The following BMPER variants were observed in gnomAD, a reference collection of about 807,000 sequenced individuals.
The protein encoded by BMPER is BMP-binding endothelial regulator protein.
BMPER carries 45 observed loss-of-function variants against 87.3 expected under a neutral mutation model. The observed-to-expected ratio is 0.52, with a 90% confidence interval of 0.41 to 0.66. The LOEUF is 0.66. BMPER is among the 30% of genes least tolerant of loss of function. The pLI is 0.00. For missense variants in BMPER, 784 were observed against 867.5 expected, an observed-to-expected ratio of 0.90 and a Z score of 1.21; for synonymous variants, 326 against 316.2, an observed-to-expected ratio of 1.03 and a Z score of -0.33.
intron 14 of BMPER, among the ~76,000 whole-genome samples, chr7:34,152,214 G>C (rs2127997117): frequency 6.6e-6 from 1 of 152,308 alleles, no homozygotes; most frequent in East Asian, 1.9e-4. Flanking sequence ...AACTTTAAAT[G>C]AAGATGGAAT....
intron 8 of BMPER, among the ~76,000 whole-genome samples, chr7:34,052,869 T>G (rs1788183229): frequency 6.6e-6 from 1 of 152,208 alleles, no homozygotes; most frequent in Non-Finnish European, 1.5e-5. Context: ...ACACCAAACA[T>G]GGAGTAATTC....
chr7:34,069,174 C>T (rs1050384663), intron 11 of BMPER, among the ~76,000 whole-genome samples: 3 of 152,086 alleles, frequency 2.0e-5, no homozygotes, highest in Non-Finnish European at 2.9e-5. Flanking sequence ...GTATGTGTGA[C>T]GGAAACTCCT....
At chr7:33,994,185 A>T (rs1429973796) in intron 6 of BMPER, among the ~76,000 whole-genome samples, 1 of 152,076 alleles carries the variant, frequency 6.6e-6, no homozygotes, top group African/African-American at 2.4e-5. Flanking sequence ...TTACCTAAGC[A>T]AGCCTGGGCA....
At chr7:33,972,560 C>T (rs1363406453) in intron 5 of BMPER, among the ~76,000 whole-genome samples, 1 of 152,122 alleles carries the variant, frequency 6.6e-6, no homozygotes, top group Non-Finnish European at 1.5e-5. Context: ...AAACTAGGCC[C>T]ACCAAGAGTA....
At chr7:33,935,100 T>G (rs1784571633) in intron 2 of BMPER, among the ~76,000 whole-genome samples, 1 of 152,184 alleles carries the variant, frequency 6.6e-6, no homozygotes, top group South Asian at 2.1e-4. Context: ...CATAACAATG[T>G]ATGACCTTTG....
chr7:34,059,206 C>A (rs2127963942), intron 10 of BMPER, among the ~76,000 whole-genome samples: 2 of 152,268 alleles, frequency 1.3e-5, no homozygotes, highest in East Asian at 3.9e-4. Context: ...ACCCTCGCTG[C>A]TAATGAACTC....
chr7:34,083,813 C>A (rs151161859), intron 12 of BMPER, among the ~76,000 whole-genome samples: 2,397 of 152,214 alleles, frequency 0.016, 121 homozygotes, highest in Admixed American at 0.096. Context: ...CCCTCCCACA[C>A]TCCCTCCCAC....
intron 3 of BMPER, among the ~76,000 whole-genome samples, chr7:33,952,224 C>T (rs762908694): frequency 3.9e-5 from 6 of 152,144 alleles, no homozygotes; most frequent in Non-Finnish European, 7.3e-5. Context: ...TTTAATGTAG[C>T]TTTGGGTTTT....
intron 14 of BMPER, 145 bp from the exon 15 acceptor site, chr7:34,152,947 T>C: frequency 2.1e-6 from 2 of 932,398 alleles, no homozygotes; most frequent in Admixed American, 1.8e-5. Flanking sequence ...TGGGTGTTTG[T>C]CATTCTCTTG....
chr7:33,957,230 C>G (rs1048493015), intron 3 of BMPER, among the ~76,000 whole-genome samples: 4 of 151,658 alleles, frequency 2.6e-5, no homozygotes, highest in Non-Finnish European at 5.9e-5. Flanking sequence ...GTTAAACCAA[C>G]TGTGGTATAT....
At chr7:34,089,775 T>C (rs752368738) in intron 13 of BMPER, among the ~76,000 whole-genome samples, 6 of 152,184 alleles carry the variant, frequency 3.9e-5, no homozygotes, top group South Asian at 4.1e-4. Context: ...TGAGCCACTG[T>C]GCCCACCCTG....
intron 6 of BMPER, among the ~76,000 whole-genome samples, chr7:34,032,269 T>C (rs1170299643): frequency 6.6e-6 from 1 of 151,988 alleles, no homozygotes; most frequent in Non-Finnish European, 1.5e-5. Context: ...CCATATGTAC[T>C]TCCAGCTTTC....
At chr7:34,054,670 C>T (rs546042018) in intron 8 of BMPER, among the ~76,000 whole-genome samples, 2 of 152,338 alleles carry the variant, frequency 1.3e-5, no homozygotes, top group Admixed American at 6.5e-5. Context: ...GAGCACAGAA[C>T]ACACTTGAGG....
chr7:34,122,970 T>C (rs1384390521), intron 13 of BMPER, among the ~76,000 whole-genome samples: 1 of 152,204 alleles, frequency 6.6e-6, no homozygotes, highest in African/African-American at 2.4e-5. Flanking sequence ...TATTTCTTTA[T>C]AGAATATGGC....
At chr7:34,137,497 T>C (rs1268640903) in intron 13 of BMPER, among the ~76,000 whole-genome samples, 1 of 152,228 alleles carries the variant, frequency 6.6e-6, no homozygotes, top group Non-Finnish European at 1.5e-5. Context: ...GGCACTGTGC[T>C]GGGGGGCTAG....
At chr7:34,008,205 AAG>A (rs1217122544) in intron 6 of BMPER, among the ~76,000 whole-genome samples, 3 of 152,104 alleles carry the variant, frequency 2.0e-5, no homozygotes, top group East Asian at 1.9e-4. Context: ...CACTTTTGTG[AAG>A]AGTCTTTTGT....
chr7:34,114,674 T>C (rs1790064328), intron 13 of BMPER, among the ~76,000 whole-genome samples: 1 of 152,220 alleles, frequency 6.6e-6, no homozygotes, highest in South Asian at 2.1e-4. Context: ...GCTACTATTA[T>C]GTAGACATGA....
intron 3 of BMPER, among the ~76,000 whole-genome samples, chr7:33,962,358 G>C (rs1465297302): frequency 6.6e-6 from 1 of 152,158 alleles, no homozygotes; most frequent in Non-Finnish European, 1.5e-5. Context: ...GAAAAGTGTA[G>C]CTGGTTTAGG....
chr7:33,936,332 G>T (rs1416752201), intron 2 of BMPER, among the ~76,000 whole-genome samples: 1 of 152,186 alleles, frequency 6.6e-6, no homozygotes, highest in Non-Finnish European at 1.5e-5. Flanking sequence ...AAGGGCATAG[G>T]TGTGCACACA....
Sources: gnomAD v4.1 joint callset for allele counts (sites outside exome capture counted in the v4.1 genomes callset) on GRCh38, gnomAD v4.1.1 for gene constraint, MANE v1.5 for transcripts, NCBI Gene and HGNC (gene_info 2026-07-23, HGNC 2026-07-21) for gene names.